Variants in BIN3 observed in about 807,000 individuals in gnomAD.
BIN3 encodes bridging integrator 3.
In BIN3, 41 loss-of-function variants were observed where a neutral mutation model predicts 38.2. The observed-to-expected ratio is 1.07, with a 90% CI of 0.84 to 1.39. The LOEUF (loss-of-function observed/expected upper bound fraction) is 1.39, where lower values mean the gene tolerates loss of function less well. Among genes scored for constraint, BIN3 ranks in the 40% most tolerant of loss-of-function variants. The pLI is 0.00. For synonymous variants in BIN3, 145 were observed against 122.6 expected (o/e 1.18, Z -1.21); for missense variants, 361 against 324.3 (o/e 1.11, Z -0.87).
At chr8:22,638,898 A>G (rs1802453105) in intron 2 of BIN3, among the ~76,000 whole-genome samples, 1 of 152,222 alleles carries the variant, frequency 6.6e-6, no homozygotes, top group Non-Finnish European at 1.5e-5. Flanking sequence ...TTACCTTAGG[A>G]TCCAGCAAAA....
chr8:22,663,159 T>C (rs544878936), intron 1 of BIN3, among the ~76,000 whole-genome samples: 1 of 151,440 alleles, frequency 6.6e-6, no homozygotes, highest in South Asian at 2.1e-4. Flanking sequence ...ATAGAAAATA[T>C]CAGAGTGCAT....
At position 22,644,635 on chromosome 8, in the gene BIN3, A is replaced by G. The variant is rs181641841; in HGVS notation, c.57+120T>C. ...GAGGTTCTAGATCCGCATAAGCAGGAAGAAGGCCCAGGTTGCTGTCTTCCC... is the reference window on the plus strand; with the variant it reads ...GAGGTTCTAGATCCGCATAAGCAGGGAGAAGGCCCAGGTTGCTGTCTTCCC... On this transcript the variant is annotated intron_variant, in intron 2 of 8. Transcript: ENST00000276416. 6.1e-5 allele frequency: 57 copies of G among 932,428 alleles called. No individual in the cohort carries two copies. In the East Asian group the frequency reaches 1.5e-3, roughly 25 times the overall value. The allele number at this position is 932,428 out of a possible 1,614,324, so 57.8% of individuals were successfully genotyped here.
intron 1 of BIN3, among the ~76,000 whole-genome samples, chr8:22,652,710 T>C (rs572604170): frequency 5.9e-5 from 9 of 152,276 alleles, no homozygotes; most frequent in African/African-American, 1.9e-4. Flanking sequence ...TGAAAGTGAA[T>C]ATTTAGGCAG....
intron 4 of BIN3, 51 bp from the exon 5 acceptor site, chr8:22,630,629 G>T: frequency 6.2e-7 from 1 of 1,605,236 alleles, no homozygotes; most frequent in South Asian, 1.1e-5. Flanking sequence ...CAGGTTTCAC[G>T]GCCTTCTCTC....
intron 3 of BIN3, 95 bp downstream of exon 3, chr8:22,636,827 T>TCACGGGGCAGGG (rs1802382024): frequency 1.4e-6 from 2 of 1,399,214 alleles, no homozygotes; most frequent in Non-Finnish European, 2.0e-6. Context: ...TCCAGGGTGC[T>TCACGGGGCAGGG]CACGGGGCAG....
intron 2 of BIN3, among the ~76,000 whole-genome samples, chr8:22,639,487 C>A (rs1802471123): frequency 6.6e-6 from 1 of 152,178 alleles, no homozygotes; most frequent in South Asian, 2.1e-4. Context: ...TTGCATTGGC[C>A]TCCCAAAGTG....
Position 22,640,936 on chromosome 8 carries a change from T to C in BIN3, c.57+3819A>G, listed in dbSNP as rs544140177. On this transcript the variant is annotated intron_variant, in intron 2 of 8. Coordinates refer to ENST00000276416, the MANE Select transcript of BIN3 (RefSeq NM_018688.6). ...GGCCATCTGACAGCCTGAGAGGAGT[T>C]TGGACACATTTCACCTCCCCTGCTT... Among the ~76,000 whole-genome samples, 5 of 152,138 alleles carry C rather than the reference T, an allele frequency of 3.3e-5. No individual in the cohort carries two copies. In the South Asian group the frequency reaches 6.2e-4, roughly 19 times the overall value.
chr8:22,659,047 C>T (rs779293296), intron 1 of BIN3, among the ~76,000 whole-genome samples: 5 of 152,238 alleles, frequency 3.3e-5, no homozygotes, highest in African/African-American at 9.6e-5. Context: ...ACCACCTTAA[C>T]GGTGGGAGAG....
chr8:22,629,889 C>T (rs1802129031), intron 6 of BIN3, 75 bp downstream of exon 6: 8 of 1,395,378 alleles, frequency 5.7e-6, no homozygotes, highest in Middle Eastern at 1.9e-4. Context: ...GCTAGAAATC[C>T]TCTTCAGTCC....
At chr8:22,641,888 C>A (rs17088513) in intron 2 of BIN3, among the ~76,000 whole-genome samples, 4,270 of 152,168 alleles carry the variant, frequency 0.028, 186 homozygotes, top group African/African-American at 0.096. Flanking sequence ...TCCTACGCTA[C>A]GATGCTCCCG....
intron 6 of BIN3, 61 bp from the exon 7 acceptor site, chr8:22,624,424 G>C: frequency 1.9e-6 from 3 of 1,579,200 alleles, no homozygotes; most frequent in South Asian, 2.3e-5. Context: ...GCTGGAGATG[G>C]GTCTGCTCTT....
At chr8:22,663,653 C>A (rs951696486) in intron 1 of BIN3, among the ~76,000 whole-genome samples, 1 of 152,122 alleles carries the variant, frequency 6.6e-6, no homozygotes, top group African/African-American at 2.4e-5. Flanking sequence ...CACTATATAA[C>A]GTGGCCCTGA....
intron 1 of BIN3, among the ~76,000 whole-genome samples, chr8:22,645,380 G>C (rs1245386179): frequency 6.6e-6 from 1 of 152,090 alleles, no homozygotes; most frequent in Non-Finnish European, 1.5e-5. Flanking sequence ...CACTTGAGAG[G>C]CTGAAGCAGG....
At position 22,637,086 on chromosome 8, in the gene BIN3, C is replaced by T. The variant is rs965925852; in HGVS notation, c.58-124G>A. 2.1e-4 allele frequency: 170 copies of T among 814,458 alleles called. 1 individual carries two copies. In the Middle Eastern group the frequency reaches 2.2e-3, roughly 11 times the overall value. 50.5% of individuals were successfully genotyped at this position (814,458 alleles called of 1,614,324 possible). On this transcript the variant is annotated intron_variant, in intron 2 of 8. Transcript: ENST00000276416. ...GCAGAAAACAACATGGTCCAGTTCA[C>T]ACAAGCACCGACAGATCGCTCCTGA...
intron 1 of BIN3, among the ~76,000 whole-genome samples, chr8:22,645,459 G>C (rs1488655717): frequency 6.6e-6 from 1 of 151,950 alleles, no homozygotes; most frequent in Non-Finnish European, 1.5e-5. Context: ...CCTAGCCTGG[G>C]CAACAGAGGG....
At chr8:22,637,947 GC>G (rs1449179113) in intron 2 of BIN3, among the ~76,000 whole-genome samples, 1 of 152,150 alleles carries the variant, frequency 6.6e-6, no homozygotes, top group East Asian at 1.9e-4. Context: ...ACGTACCCTG[GC>G]CAAGGTCACC....
intron 1 of BIN3, among the ~76,000 whole-genome samples, chr8:22,646,370 G>A (rs577069994): frequency 2.0e-5 from 3 of 151,998 alleles, no homozygotes; most frequent in South Asian, 2.1e-4. Context: ...CACCAGACCC[G>A]CTCCACCAGG....
chr8:22,639,942 A>G (rs200481918), intron 2 of BIN3, among the ~76,000 whole-genome samples: 1 of 151,374 alleles, frequency 6.6e-6, no homozygotes, highest in Non-Finnish European at 1.5e-5. Flanking sequence ...GCTCACCGCA[A>G]CCTCCGCCTC....
At chr8:22,668,463 T>C (rs912189548) in intron 1 of BIN3, among the ~76,000 whole-genome samples, 1 of 152,216 alleles carries the variant, frequency 6.6e-6, no homozygotes, top group Non-Finnish European at 1.5e-5. Flanking sequence ...CAGTGAGTAA[T>C]AGCTCTGGAA....
Sources: gnomAD v4.1 joint callset for allele counts (sites outside exome capture counted in the v4.1 genomes callset) on GRCh38, gnomAD v4.1.1 for gene constraint, MANE v1.5 for transcripts, NCBI Gene and HGNC (gene_info 2026-07-23, HGNC 2026-07-21) for gene names.